CCDC7: variants seen among roughly 807,000 people sequenced by gnomAD.
CCDC7 encodes coiled-coil domain-containing protein 7.
CCDC7 carries 183 observed loss-of-function variants against 196.9 expected under a neutral mutation model. That is an observed-to-expected ratio of 0.93 (90% CI 0.82 to 1.05). The LOEUF (loss-of-function observed/expected upper bound fraction) is 1.05. Among genes scored for constraint, CCDC7 ranks in the 50% least tolerant of loss-of-function variants. CCDC7 has a pLI of 0.00. For missense variants in CCDC7, 1,540 were observed against 1,482.2 expected, an observed-to-expected ratio of 1.04 and a Z score of -0.64; for synonymous variants, 525 against 484.6, an observed-to-expected ratio of 1.08 and a Z score of -1.10.
chr10:32,794,956 C>T (rs972376916), intron 29 of CCDC7, among the ~76,000 whole-genome samples: 14 of 152,246 alleles, frequency 9.2e-5, no homozygotes, highest in African/African-American at 2.9e-4. Flanking sequence ...TGTTCAGGGT[C>T]TGGAAAGCAT....
intron 29 of CCDC7, among the ~76,000 whole-genome samples, chr10:32,794,148 A>G (rs2105084): frequency 0.34 from 52,131 of 152,026 alleles, 11,338 homozygotes; most frequent in Non-Finnish European, 0.49. Flanking sequence ...CCCAGTATCT[A>G]TTGTTCCCAT....
intron 13 of CCDC7, among the ~76,000 whole-genome samples, chr10:32,559,319 G>A (rs1249549856): frequency 3.3e-5 from 5 of 152,370 alleles, no homozygotes; most frequent in African/African-American, 1.2e-4. Context: ...GAAGAGAGCA[G>A]TGGTTCTCCC....
chr10:32,808,366 G>A (rs990493233), intron 30 of CCDC7, among the ~76,000 whole-genome samples: 7 of 152,116 alleles, frequency 4.6e-5, no homozygotes, highest in East Asian at 1.9e-4. Flanking sequence ...CCCAAAGGCC[G>A]GGGGCTCATC....
At chr10:32,710,809 G>T (rs183074391) in intron 24 of CCDC7, among the ~76,000 whole-genome samples, 27 of 152,294 alleles carry the variant, frequency 1.8e-4, no homozygotes, top group Admixed American at 4.6e-4. Context: ...TTTGTTACCA[G>T]GGGAGCTGCC....
chr10:32,804,974 A>AT (rs778869461), intron 29 of CCDC7, 41 bp from the exon 31 acceptor site: 15 of 1,284,934 alleles, frequency 1.2e-5, no homozygotes, highest in Non-Finnish European at 1.5e-5. Context: ...CTATGTAAGG[A>AT]TTACCTCGCA....
intron 20 of CCDC7, among the ~76,000 whole-genome samples, chr10:32,662,954 G>T (rs976528235): frequency 1.3e-5 from 2 of 152,128 alleles, no homozygotes; most frequent in Non-Finnish European, 2.9e-5. Flanking sequence ...GATCAGAAAA[G>T]GTTTTTCAGT....
intron 28 of CCDC7, among the ~76,000 whole-genome samples, chr10:32,731,989 G>A (rs993926814): frequency 6.6e-6 from 1 of 152,072 alleles, no homozygotes; most frequent in African/African-American, 2.4e-5. Context: ...TGAAGCGCAG[G>A]TTGCAGTGAG....
At position 32,828,485 on chromosome 10, in the gene CCDC7, G is replaced by GGAAGAAGAAGAAGAAGAAGAAA. The variant is rs2091624014; in HGVS notation, c.3268+3902_3268+3903insAGAAGAAGAAGAAGAAGAAGAA. Among the ~76,000 whole-genome samples, 60 of 49,750 alleles carry GGAAGAAGAAGAAGAAGAAGAAA rather than the reference G, an allele frequency of 1.2e-3. 1 individual carries two copies. Among genetic ancestry groups the GGAAGAAGAAGAAGAAGAAGAAA allele is most frequent in the African/African-American group, 3.6e-3 (58 of 16,018 alleles). 32.6% of individuals were successfully genotyped at this position (49,750 alleles called of 152,430 possible). ...AAGAAGAGGAAGAGGAAGAGGAAGA[G>GGAAGAAGAAGAAGAAGAAGAAA]GAAGAAGAAGAAGAAGAAGAAGAAG... On this transcript the variant is annotated intron_variant, in intron 32 of 41. Coordinates refer to ENST00000639629, the Ensembl canonical transcript of CCDC7.
intron 5 of CCDC7, among the ~76,000 whole-genome samples, chr10:32,468,931 A>G (rs2037386571): frequency 6.6e-6 from 1 of 152,230 alleles, no homozygotes; most frequent in South Asian, 2.1e-4. Flanking sequence ...TACATGTGGA[A>G]ACTATTAGAG....
At chr10:32,858,512 T>A (rs893140728) in intron 41 of CCDC7, among the ~76,000 whole-genome samples, 1 of 152,210 alleles carries the variant, frequency 6.6e-6, no homozygotes, top group Non-Finnish European at 1.5e-5. Context: ...CATGTAGGGC[T>A]GGTTGATCAT....
At chr10:32,450,677 A>G (rs889444315), upstream of CCDC7, among the ~76,000 whole-genome samples, 2 of 152,202 alleles carry the variant, frequency 1.3e-5, no homozygotes, top group African/African-American at 2.4e-5. Context: ...ATACTTCCTT[A>G]TCTTAGCATA....
chr10:32,766,969 T>A (rs1463905269), intron 28 of CCDC7, among the ~76,000 whole-genome samples: 1 of 152,120 alleles, frequency 6.6e-6, no homozygotes, highest in Non-Finnish European at 1.5e-5. Flanking sequence ...GTTGTTAAAA[T>A]TTGATGTTTC....
At chr10:32,480,796 T>G (rs1212477082) in intron 8 of CCDC7, among the ~76,000 whole-genome samples, 1 of 152,208 alleles carries the variant, frequency 6.6e-6, no homozygotes, top group Non-Finnish European at 1.5e-5. Context: ...ACATTCCATT[T>G]GCACTTGAGA....
chr10:32,852,073 C>G, intron 40 of CCDC7, 141 bp downstream of exon 41: 1 of 792,938 alleles, frequency 1.3e-6, no homozygotes, highest in Non-Finnish European at 1.9e-6. Context: ...TTAAGTGCAC[C>G]TAACATTTGT....
intron 11 of CCDC7, among the ~76,000 whole-genome samples, chr10:32,528,946 T>C (rs935689378): frequency 2.6e-5 from 4 of 152,012 alleles, no homozygotes; most frequent in Non-Finnish European, 4.4e-5. Context: ...TCTGGGTAGA[T>C]ACCCAGTCGT....
At chr10:32,844,422 A>G (rs1182357083) in intron 33 of CCDC7, among the ~76,000 whole-genome samples, 2 of 151,972 alleles carry the variant, frequency 1.3e-5, no homozygotes, top group Non-Finnish European at 2.9e-5. Flanking sequence ...ATTTATAGTT[A>G]CAAATCTTAG....
chr10:32,718,017 T>C (rs1439503123), intron 25 of CCDC7, among the ~76,000 whole-genome samples: 3 of 152,086 alleles, frequency 2.0e-5, no homozygotes, highest in African/African-American at 7.2e-5. Context: ...GAGGGAATCT[T>C]CCCTACTCAT....
chr10:32,680,155 T>C (rs2075648999), intron 21 of CCDC7, among the ~76,000 whole-genome samples: 1 of 152,174 alleles, frequency 6.6e-6, no homozygotes, highest in South Asian at 2.1e-4. Flanking sequence ...AAGAAGGCAG[T>C]TGTTTCTTTT....
At chr10:32,477,496 C>T (rs2039215578) in intron 8 of CCDC7, among the ~76,000 whole-genome samples, 1 of 152,028 alleles carries the variant, frequency 6.6e-6, no homozygotes, top group Non-Finnish European at 1.5e-5. Flanking sequence ...CCACTGCGCC[C>T]AGCCCATTTT....
Sources: allele counts gnomAD v4.1 joint callset (sites outside exome capture counted in the v4.1 genomes callset), GRCh38; gene constraint gnomAD v4.1.1; transcripts MANE v1.5; gene names NCBI Gene and HGNC (gene_info 2026-07-23, HGNC 2026-07-21).